Variants in PDZRN4 observed in about 807,000 individuals in gnomAD.
The protein encoded by PDZRN4 is PDZ domain containing ring finger 4.
In PDZRN4, 70 loss-of-function variants were observed where a neutral mutation model predicts 99.0. The ratio of observed to expected loss-of-function variants is 0.71; its 90% CI spans 0.58 to 0.86. The LOEUF (loss-of-function observed/expected upper bound fraction) is 0.86, where lower values mean the gene tolerates loss of function less well. Ranked by LOEUF, PDZRN4 falls within the 40% of genes least tolerant of loss-of-function variation. PDZRN4 has a pLI of 0.00. For synonymous variants in PDZRN4, 551 were observed against 501.6 expected (o/e 1.10, Z -1.32); for missense variants, 1,474 against 1,331.2 (o/e 1.11, Z -1.67).
intron 3 of PDZRN4, among the ~76,000 whole-genome samples, chr12:41,237,166 C>T (rs1951073430): frequency 6.6e-6 from 1 of 151,898 alleles, no homozygotes; most frequent in Admixed American, 6.6e-5. Flanking sequence ...TACTGGTGCC[C>T]CCTCATAGGC....
chr12:41,465,942 G>A lies in PDZRN4; in HGVS notation c.844-40514G>A, dbSNP rs191194568. 2.0e-5 allele frequency among the ~76,000 whole-genome samples: 3 copies of A among 151,952 alleles called. No individual in the cohort carries two copies. In the East Asian group the frequency reaches 5.8e-4, roughly 29 times the overall value. On this transcript the variant is annotated intron_variant, in intron 3 of 9. Coordinates refer to ENST00000402685, the MANE Select transcript of PDZRN4 (RefSeq NM_001164595.2). ...ATGCCATTATCAGTTCATTATCAGT[G>A]TATTGTTTGCTTCCTTGTCCAGTAC...
intron 3 of PDZRN4, among the ~76,000 whole-genome samples, chr12:41,302,416 C>A (rs942698341): frequency 3.9e-5 from 6 of 152,066 alleles, no homozygotes; most frequent in African/African-American, 1.2e-4. Flanking sequence ...GGGGTGTACA[C>A]CCCAGTTTTT....
chr12:41,206,624 G>A (rs1449456730), intron 3 of PDZRN4, among the ~76,000 whole-genome samples: 1 of 151,500 alleles, frequency 6.6e-6, no homozygotes, highest in Non-Finnish European at 1.5e-5. Flanking sequence ...CACTCAGCAG[G>A]CACTCAGCTA....
intron 3 of PDZRN4, among the ~76,000 whole-genome samples, chr12:41,435,584 C>G (rs549346235): frequency 4.6e-5 from 7 of 152,060 alleles, no homozygotes; most frequent in African/African-American, 1.7e-4. Flanking sequence ...GTCAGGAGAT[C>G]GAGACCTTCC....
rs149056259 is a variant in PDZRN4, at chr12:41,333,786, T to C, written c.843+139598T>C. Among the ~76,000 whole-genome samples the C allele has an allele frequency of 9.2e-5, 14 of 152,316 alleles. 1 individual carries two copies. The Middle Eastern group carries it at 0.01, about 111-fold the overall frequency. On this transcript the variant is annotated intron_variant, in intron 3 of 9. Transcript: ENST00000402685. ...AAGAGTGCATTTTTGTGAAGAGCTATGCAAAGGTAACACATCATGATTTGT... is the reference window on the plus strand; with the variant it reads ...AAGAGTGCATTTTTGTGAAGAGCTACGCAAAGGTAACACATCATGATTTGT...
chr12:41,288,072 AT>A (rs974258217), intron 3 of PDZRN4, among the ~76,000 whole-genome samples: 34 of 152,316 alleles, frequency 2.2e-4, no homozygotes, highest in African/African-American at 8.2e-4. Context: ...ATACAACAAT[AT>A]GTTACAAATT....
intron 2 of PDZRN4, among the ~76,000 whole-genome samples, chr12:41,192,023 T>G (rs1159295236): frequency 6.6e-6 from 1 of 152,028 alleles, no homozygotes; most frequent in Non-Finnish European, 1.5e-5. Context: ...CCCCAAGTGA[T>G]CCACCTCACG....
rs1241147964 is a variant in PDZRN4 at position 41,191,502 on chromosome 12, T to A, written c.693T>A (p.Asn231Lys). The A allele has an allele frequency of 8.2e-6, 13 of 1,579,470 alleles. No individual in the cohort carries two copies. The Admixed American group carries it at 2.0e-4, about 24-fold the overall frequency. The change falls in exon 2 of 10, where the codon AAT becomes AAA. Residue 231 changes from asparagine (N) to lysine (K), a missense_variant. Transcript: ENST00000402685. ...KPFTIVLERE[N>K]DTLGFNIIGG... Reference sequence around the variant, plus strand: ...TCACTATTGTGTTAGAAAGAGAAAATGACACTTTGGGATTCAATATTATAG... The same window carrying A: ...TCACTATTGTGTTAGAAAGAGAAAAAGACACTTTGGGATTCAATATTATAG...
At chr12:41,540,416 T>C (rs534003701) in intron 5 of PDZRN4, among the ~76,000 whole-genome samples, 174 of 152,308 alleles carry the variant, frequency 1.1e-3, no homozygotes, top group South Asian at 3.5e-3. Flanking sequence ...TATAAAAATA[T>C]AATAATATAA....
intron 5 of PDZRN4, among the ~76,000 whole-genome samples, chr12:41,526,686 T>C (rs1255388145): frequency 2.0e-5 from 3 of 152,218 alleles, no homozygotes; most frequent in African/African-American, 7.2e-5. Context: ...CAGTTCTTAG[T>C]TTTACAACTT....
rs60613911 is a variant in PDZRN4 at position 41,519,125 on chromosome 12, A to C, written c.1203+9212A>C. On this transcript the variant is annotated intron_variant, in intron 5 of 9. Transcript: ENST00000402685. ...GCATAAGGTTGAAAAAAAACAGATA[A>C]GTTTTAAGAGATTTGAATTTTCAAA... 3.3e-5 allele frequency among the ~76,000 whole-genome samples: 5 copies of C among 152,212 alleles called. No homozygotes were observed. In the East Asian group the frequency reaches 5.8e-4, roughly 18 times the overall value.
chr12:41,384,042 G>T lies in PDZRN4; in HGVS notation c.844-122414G>T, dbSNP rs192349158. Among the ~76,000 whole-genome samples the T allele has an allele frequency of 1.7e-3, 223 of 130,352 alleles. 2 individuals are homozygous for T. The highest frequency in any genetic ancestry group is 6.4e-3 in the African/African-American group (209 of 32,758). 85.5% of individuals were successfully genotyped at this position (130,352 alleles called of 152,430 possible). On this transcript the variant is annotated intron_variant, in intron 3 of 9. Coordinates refer to ENST00000402685, the MANE Select transcript of PDZRN4 (RefSeq NM_001164595.2). Reference sequence around the variant, plus strand: ...TTTTGAGACGGAATCTCTGTCTGTCGCCCAGGCTGGAGTGCAGTGGCGCGA... The same window carrying T: ...TTTTGAGACGGAATCTCTGTCTGTCTCCCAGGCTGGAGTGCAGTGGCGCGA...
intron 3 of PDZRN4, among the ~76,000 whole-genome samples, chr12:41,345,840 A>G (rs1592021382): frequency 6.6e-6 from 1 of 152,240 alleles, no homozygotes; most frequent in East Asian, 1.9e-4. Context: ...ACTGTTTTCC[A>G]ATTGGATTGT....
intron 3 of PDZRN4, among the ~76,000 whole-genome samples, chr12:41,304,597 T>G (rs2120936748): frequency 6.6e-6 from 1 of 152,316 alleles, no homozygotes; most frequent in East Asian, 1.9e-4. Flanking sequence ...AGAAACAAGT[T>G]TTGCTACACT....
chr12:41,344,412 A>G (rs77222714), intron 3 of PDZRN4, among the ~76,000 whole-genome samples: 65 of 152,230 alleles, frequency 4.3e-4, no homozygotes, highest in Non-Finnish European at 7.9e-4. Flanking sequence ...AGACAAGCTC[A>G]GGTAGATTTC....
intron 3 of PDZRN4, among the ~76,000 whole-genome samples, chr12:41,294,947 A>T (rs904941313): frequency 6.6e-6 from 1 of 152,162 alleles, no homozygotes; most frequent in Non-Finnish European, 1.5e-5. Context: ...AGAGACATGA[A>T]TCTTCTTCAA....
intron 3 of PDZRN4, among the ~76,000 whole-genome samples, chr12:41,272,162 ATTAC>A (rs1394787072): frequency 6.6e-6 from 1 of 152,062 alleles, no homozygotes. Flanking sequence ...CATTCAATGA[ATTAC>A]TTACTTTTTT....
intron 3 of PDZRN4, among the ~76,000 whole-genome samples, chr12:41,413,414 G>A (rs11180908): frequency 0.034 from 5,173 of 152,172 alleles, 121 homozygotes; most frequent in African/African-American, 0.073. Flanking sequence ...GTATATAAGA[G>A]ATATAGCTAG....
At chr12:41,424,912 C>G (rs1952522415) in intron 3 of PDZRN4, among the ~76,000 whole-genome samples, 1 of 152,072 alleles carries the variant, frequency 6.6e-6, no homozygotes, top group South Asian at 2.1e-4. Flanking sequence ...ACTAGTTGAC[C>G]ACAGCTTGTC....
Sources: allele counts gnomAD v4.1 joint callset (sites outside exome capture counted in the v4.1 genomes callset), GRCh38; gene constraint gnomAD v4.1.1; transcripts MANE v1.5; gene names NCBI Gene and HGNC (gene_info 2026-07-23, HGNC 2026-07-21).